The following DENND2B variants were observed in gnomAD, a reference collection of about 807,000 sequenced individuals.
DENND2B encodes the protein DENN domain containing 2B.
In DENND2B, 32 loss-of-function variants were observed where a neutral mutation model predicts 116.0. The observed-to-expected ratio is 0.28, with a 90% CI of 0.21 to 0.37. The LOEUF (loss-of-function observed/expected upper bound fraction) is 0.37, where lower values mean the gene tolerates loss of function less well. Ranked by LOEUF, DENND2B falls within the 10% of genes least tolerant of loss-of-function variation. The pLI is 1.00. For synonymous variants in DENND2B, 588 were observed against 583.9 expected, an observed-to-expected ratio of 1.01 and a Z score of -0.10; for missense variants, 1,276 against 1,477.7, an observed-to-expected ratio of 0.86 and a Z score of 2.24.
chr11:8,853,096 G>A (rs2063067767), intron 3 of DENND2B, among the ~76,000 whole-genome samples: 1 of 152,326 alleles, frequency 6.6e-6, no homozygotes, highest in East Asian at 1.9e-4. Context: ...AGGCGCGGTG[G>A]CTCACGCCTG....
Position 8,712,800 on chromosome 11 carries a change from G to A in DENND2B, c.1988-65C>T, listed in dbSNP as rs2043999485. On this transcript the variant is annotated intron_variant, in intron 8 of 19. Coordinates refer to ENST00000313726, the MANE Select transcript of DENND2B (RefSeq NM_213618.2). This position sits in a 1 kb window ranked among gnomAD's most constrained non-coding sequence, Gnocchi z 4.4. ...GCCTCATGTTAACTCCTCTACCCCTGGCTCAGGGCTCCATTGCTGTGGAGC... is the reference window on the plus strand; with the variant it reads ...GCCTCATGTTAACTCCTCTACCCCTAGCTCAGGGCTCCATTGCTGTGGAGC... 1 of 1,498,624 alleles carries A rather than the reference G, an allele frequency of 6.7e-7. No individual in the cohort carries two copies. The highest frequency in any genetic ancestry group is 8.9e-7 in the Non-Finnish European group (1 of 1,118,098). 92.8% of individuals were successfully genotyped at this position (1,498,624 alleles called of 1,614,324 possible).
chr11:8,760,804 G>A (rs149864039), intron 1 of DENND2B, among the ~76,000 whole-genome samples: 2 of 152,154 alleles, frequency 1.3e-5, no homozygotes, highest in African/African-American at 2.4e-5. Flanking sequence ...TGGGGATAGT[G>A]AGCCTGGTCA....
chr11:8,705,382 C>G (rs951555167), intron 13 of DENND2B, among the ~76,000 whole-genome samples: 3 of 152,158 alleles, frequency 2.0e-5, no homozygotes, highest in East Asian at 1.9e-4. Flanking sequence ...CAAGATCTTG[C>G]CACGCCTCAT....
chr11:8,714,518 G>A (rs2044360849), intron 7 of DENND2B, 92 bp downstream of exon 7: 83 of 1,084,314 alleles, frequency 7.7e-5, no homozygotes, highest in Non-Finnish European at 1.1e-4. Context: ...TTCCTGGCAG[G>A]GCTCTACCCT....
intron 1 of DENND2B, among the ~76,000 whole-genome samples, chr11:8,799,561 C>CTTTTTTTT (rs67190732): frequency 8.8e-6 from 1 of 114,054 alleles, no homozygotes; most frequent in African/African-American, 3.2e-5. Context: ...TCCTTTTTCT[C>CTTTTTTTT]TTTTTTTTTT....
intron 3 of DENND2B, among the ~76,000 whole-genome samples, chr11:8,850,629 A>G (rs2062972233): frequency 6.6e-6 from 1 of 152,192 alleles, no homozygotes; most frequent in Admixed American, 6.5e-5. Context: ...TTCTCAACAA[A>G]TTAAAAATAG....
At chr11:8,808,762 T>A (rs1255592078) in intron 1 of DENND2B, 12 of 152,268 alleles carry the variant, frequency 7.9e-5, no homozygotes, top group African/African-American at 2.9e-4. Context: ...AACAGTCCTG[T>A]GAAGTTGTTC....
chr11:8,789,635 C>G (rs530714510), intron 1 of DENND2B, among the ~76,000 whole-genome samples: 11 of 152,208 alleles, frequency 7.2e-5, no homozygotes, highest in Middle Eastern at 6.8e-3. Context: ...ATACACAGGG[C>G]AGAGAGGAAG....
chr11:8,801,113 G>C (rs1483752175), intron 1 of DENND2B, among the ~76,000 whole-genome samples: 3 of 151,570 alleles, frequency 2.0e-5, no homozygotes, highest in African/African-American at 7.3e-5. Flanking sequence ...TTTGACACTG[G>C]GTCTGCCATG....
At chr11:8,701,422 C>T (rs1288816345) in intron 14 of DENND2B, among the ~76,000 whole-genome samples, 3 of 149,920 alleles carry the variant, frequency 2.0e-5, no homozygotes, top group Non-Finnish European at 3.0e-5. Context: ...AAATCAAACA[C>T]CGCCTCCTCC....
intron 10 of DENND2B, 76 bp from the exon 11 acceptor site, chr11:8,710,990 AT>A (rs772532079): frequency 6.3e-7 from 1 of 1,588,730 alleles, no homozygotes; most frequent in South Asian, 1.1e-5. Flanking sequence ...AGGGACCGTC[AT>A]TTTCACGTGG....
intron 5 of DENND2B, among the ~76,000 whole-genome samples, chr11:8,717,040 A>G (rs112774214): frequency 7.9e-5 from 12 of 152,230 alleles, no homozygotes; most frequent in African/African-American, 2.9e-4. Flanking sequence ...ATGCTATATA[A>G]TATCCAGGTC....
At chr11:8,813,174 T>A (rs979824475), upstream of DENND2B, among the ~76,000 whole-genome samples, 2 of 152,176 alleles carry the variant, frequency 1.3e-5, no homozygotes, top group African/African-American at 4.8e-5. Context: ...AAAACAAGAT[T>A]CTGATTGACT....
Position 8,715,699 on chromosome 11 carries a change from C to G in DENND2B, c.1749G>C (p.Gln583His), listed in dbSNP as rs1565693892. 2.5e-6 allele frequency: 4 copies of G among 1,614,102 alleles called. No individual in the cohort carries two copies. The highest frequency in any genetic ancestry group is 2.2e-5 in the East Asian group (1 of 44,896). Reference protein sequence around the residue: ...HSHDDMLLLAQLSLPSSPSSL... With the variant: ...HSHDDMLLLAHLSLPSSPSSL... The stretch of plus-strand genomic sequence containing the variant: ...TGGAGGGTGAGGACGGCAGACTCAG[C>G]TGAGCCAGCAGCAGCATGTCGTCAT... Residue 583 changes from glutamine to histidine, a missense_variant, in exon 6 of 20, where the codon CAG (glutamine) becomes CAC (histidine). Physicochemically the swap from Gln to His is conservative, Grantham distance 24 (BLOSUM62 0). This residue lies in a region of DENND2B where 856 missense variants were observed against 846.6 expected (regional missense o/e 1.01). Coordinates refer to ENST00000313726, the MANE Select transcript of DENND2B (RefSeq NM_213618.2).
intron 1 of DENND2B, among the ~76,000 whole-genome samples, chr11:8,905,459 T>C (rs1589893954): frequency 6.6e-6 from 1 of 151,792 alleles, no homozygotes; most frequent in African/African-American, 2.4e-5. Context: ...ATAGAAAAAA[T>C]CTTCAAAAAA....
chr11:8,869,681 T>C (rs1245700222), intron 2 of DENND2B, among the ~76,000 whole-genome samples: 1 of 151,942 alleles, frequency 6.6e-6, no homozygotes, highest in East Asian at 1.9e-4. Flanking sequence ...AAAAATTTTT[T>C]AAATAAAAAA....
intron 1 of DENND2B, among the ~76,000 whole-genome samples, chr11:8,786,859 A>G (rs2058956856): frequency 6.6e-6 from 1 of 152,098 alleles, no homozygotes; most frequent in East Asian, 1.9e-4. Context: ...ACAAGATTAG[A>G]ACAGCTGCAT....
intron 3 of DENND2B, among the ~76,000 whole-genome samples, chr11:8,855,234 A>G (rs1318521679): frequency 6.6e-6 from 1 of 151,644 alleles, no homozygotes; most frequent in African/African-American, 2.4e-5. Context: ...AAAAGAAGAG[A>G]ACAGCAAACC....
At chr11:8,711,253 G>A (rs1427891484) in intron 9 of DENND2B, 22 bp from the exon 10 acceptor site, 1 of 1,610,294 alleles carries the variant, frequency 6.2e-7, no homozygotes, top group Non-Finnish European at 8.5e-7. Context: ...AAGGAACCAG[G>A]AGATGACATG....
Sources: gnomAD v4.1 joint callset for allele counts (sites outside exome capture counted in the v4.1 genomes callset) on GRCh38, gnomAD v4.1.1 for gene constraint, gnomAD v4.1.1 regional missense constraint, Gnocchi (gnomAD v3.1) non-coding constraint, MANE v1.5 for transcripts, NCBI Gene and HGNC (gene_info 2026-07-23, HGNC 2026-07-21) for gene names.